Variants in ZC3H12D observed in about 807,000 individuals in gnomAD.
ZC3H12D encodes zinc finger CCCH-type containing 12D.
ZC3H12D carries 11 observed loss-of-function variants against 24.2 expected under a neutral mutation model. The ratio of observed to expected loss-of-function variants is 0.46; its 90% confidence interval spans 0.29 to 0.75. ZC3H12D has a LOEUF of 0.75. ZC3H12D is among the 30% of genes least tolerant of loss of function. The probability of loss-of-function intolerance (pLI) is 0.11; values close to 1 mark genes in which losing one functional copy is unlikely to be tolerated. For synonymous variants in ZC3H12D, 333 were observed against 341.8 expected, an observed-to-expected ratio of 0.97 and a Z score of 0.28; for missense variants, 740 against 767.7, an observed-to-expected ratio of 0.96 and a Z score of 0.43.
chr6:149,462,874 C>T (rs1776095627), intron 2 of ZC3H12D, among the ~76,000 whole-genome samples: 1 of 152,198 alleles, frequency 6.6e-6, no homozygotes, highest in Non-Finnish European at 1.5e-5. Context: ...TGGCCACAGA[C>T]TGAAGGCTGC....
Position 149,456,960 on chromosome 6 carries a change from C to A in ZC3H12D, c.446-60G>T. On this transcript the variant is annotated intron_variant, in intron 3 of 5. Coordinates refer to ENST00000409806, the MANE Select transcript of ZC3H12D (RefSeq NM_207360.3). This position sits in a 1 kb window ranked among gnomAD's most constrained non-coding sequence, Gnocchi z 4.3. ...CCAAGGGCACCGCCCCTGAGAACCACCCCCAACGCGAGGCCACCCGCTTCC... is the reference window on the plus strand; with the variant it reads ...CCAAGGGCACCGCCCCTGAGAACCAACCCCAACGCGAGGCCACCCGCTTCC... The A allele has an allele frequency of 6.6e-7, 1 of 1,518,762 alleles. No individual in the cohort carries two copies. The highest frequency in any genetic ancestry group is 8.9e-7 in the Non-Finnish European group (1 of 1,121,630). 94.1% of individuals were successfully genotyped at this position (1,518,762 alleles called of 1,614,324 possible).
At chr6:149,475,244 C>T (rs1191697219) in intron 1 of ZC3H12D, among the ~76,000 whole-genome samples, 1 of 152,166 alleles carries the variant, frequency 6.6e-6, no homozygotes, top group Admixed American at 6.5e-5. Flanking sequence ...ACCCAGCTCT[C>T]GGGACAGGCC....
rs1283477520 is a variant in ZC3H12D at position 149,451,062 on chromosome 6, T to G, written c.1205A>C (p.Asp402Ala). Residue 402 changes from aspartate (D) to alanine (A), a missense_variant, in exon 6 of 6, where the codon GAC becomes GCC. Asp to Ala is a moderately radical substitution (Grantham distance 126, BLOSUM62 -2). Coordinates refer to ENST00000409806, the MANE Select transcript of ZC3H12D (RefSeq NM_207360.3). The part of the protein sequence containing the change: ...PSPESQFSPG[D>A]LPPPPGLQLQ... ...CTGCAGGCCGGGCGGAGGCGGGAGGTCGCCCGGGGAGAACTGGCTCTCCGG... is the reference window on the plus strand; with the variant it reads ...CTGCAGGCCGGGCGGAGGCGGGAGGGCGCCCGGGGAGAACTGGCTCTCCGG... 4 of 1,400,616 alleles carry G rather than the reference T, an allele frequency of 2.9e-6. No individual in the cohort carries two copies. In the African/African-American group the frequency reaches 6.1e-5, roughly 22 times the overall value. 86.8% of individuals were successfully genotyped at this position (1,400,616 alleles called of 1,614,324 possible).
intron 1 of ZC3H12D, among the ~76,000 whole-genome samples, chr6:149,475,458 C>T (rs935724288): frequency 1.3e-5 from 2 of 152,186 alleles, no homozygotes; most frequent in Non-Finnish European, 2.9e-5. Flanking sequence ...TGGCTCACGC[C>T]TGTAATCCCA....
In ZC3H12D at chr6:149,450,980, C is replaced by T. The variant is rs751764814; in HGVS notation, c.1287G>A (p.Pro429=). ...CCCACGGGTCGTCGGGTGGCCTGCGCGGGGAAAGCAAGTCGCCGTGCAGGT... is the reference window on the plus strand; with the variant it reads ...CCCACGGGTCGTCGGGTGGCCTGCGTGGGGAAAGCAAGTCGCCGTGCAGGT... ...PRDLHGDLLS[P]RRPPDDPWAR... is the part of the protein sequence containing the mutation. Residue 429 remains proline, a synonymous_variant, in exon 6 of 6, where the codon CCG becomes CCA. Transcript: ENST00000409806. The T allele has an allele frequency of 1.3e-6, 2 of 1,520,190 alleles. No homozygotes were observed. Among genetic ancestry groups the T allele is most frequent in the Admixed American group, 2.1e-5 (1 of 47,820 alleles). The allele number at this position is 1,520,190 out of a possible 1,614,324, so 94.2% of individuals were successfully genotyped here. A position where few individuals can be genotyped will look rare whatever the true frequency, so the allele number is the denominator to read the frequency against.
chr6:149,465,221 G>A (rs1776132149), intron 2 of ZC3H12D, among the ~76,000 whole-genome samples: 1 of 152,092 alleles, frequency 6.6e-6, no homozygotes, highest in Non-Finnish European at 1.5e-5. Context: ...GGGTGTGGTG[G>A]CACGTGCCTG....
In ZC3H12D at chr6:149,456,622, C is replaced by CCCCCCCCCCCCCCCCCCCGGGGGACG; in HGVS notation, c.680+43_680+44insCGTCCCCCGGGGGGGGGGGGGGGGGG. 7.6e-7 allele frequency: 1 copy of CCCCCCCCCCCCCCCCCCCGGGGGACG among 1,314,358 alleles called. No homozygotes were observed. The highest frequency in any genetic ancestry group is 1.1e-6 in the Non-Finnish European group (1 of 921,306). The allele number at this position is 1,314,358 out of a possible 1,614,324, so 81.4% of individuals were successfully genotyped here. On this transcript the variant is annotated intron_variant, in intron 4 of 5. Transcript: ENST00000409806. This position sits in a 1 kb window ranked among gnomAD's most constrained non-coding sequence, Gnocchi z 4.3. The stretch of plus-strand genomic sequence containing the variant: ...GGCCACTGCCTCGACCCCGGCCCCC[C>CCCCCCCCCCCCCCCCCCCGGGGGACG]GCCCCGCCGCCCCCCAGGGTGTCAG...
At chr6:149,465,568 C>T (rs746328568) in intron 2 of ZC3H12D, among the ~76,000 whole-genome samples, 36 of 152,084 alleles carry the variant, frequency 2.4e-4, no homozygotes, top group Admixed American at 7.2e-4. Context: ...TCCTGGCTAA[C>T]ACGGTGAAAT....
intron 1 of ZC3H12D, among the ~76,000 whole-genome samples, chr6:149,477,850 A>G (rs1050374373): frequency 6.6e-6 from 1 of 152,078 alleles, no homozygotes; most frequent in Non-Finnish European, 1.5e-5. Context: ...GGACTCCAAG[A>G]TTTTTTCAGG....
intron 1 of ZC3H12D, among the ~76,000 whole-genome samples, chr6:149,475,898 C>T (rs1776332588): frequency 6.6e-6 from 1 of 152,128 alleles, no homozygotes; most frequent in Non-Finnish European, 1.5e-5. Flanking sequence ...CTCTTTTCTA[C>T]CCACAAAGAC....
chr6:149,456,862 G>A lies in ZC3H12D; in HGVS notation c.484C>T (p.Leu162=). 1 of 1,605,726 alleles carries A rather than the reference G, an allele frequency of 6.2e-7. No homozygotes were observed. The highest frequency in any genetic ancestry group is 8.5e-7 in the Non-Finnish European group (1 of 1,179,288). ...ACCTTGCGGGACGGCGTGTACACCAGCACCGCCTGCCGCTCCAGCTCCGCC... is the reference window on the plus strand; with the variant it reads ...ACCTTGCGGGACGGCGTGTACACCAACACCGCCTGCCGCTCCAGCTCCGCC... The part of the protein sequence containing the change: ...VLAELERQAV[L]VYTPSRKVHG... Residue 162 remains leucine (L), a synonymous_variant, in exon 4 of 6, where the codon CTG becomes TTG. Transcript: ENST00000409806. This position sits in a 1 kb window ranked among gnomAD's most constrained non-coding sequence, Gnocchi z 4.3.
At chr6:149,471,884 C>A (rs1776249644) in intron 2 of ZC3H12D, among the ~76,000 whole-genome samples, 1 of 152,226 alleles carries the variant, frequency 6.6e-6, no homozygotes, top group Non-Finnish European at 1.5e-5. Context: ...CCCCTCCCCA[C>A]CACCGCAAGG....
intron 3 of ZC3H12D, among the ~76,000 whole-genome samples, chr6:149,457,632 G>C (rs1207913976): frequency 6.6e-6 from 1 of 152,202 alleles, no homozygotes; most frequent in Non-Finnish European, 1.5e-5. Context: ...CTGAGCTCAA[G>C]TGAGTGCGAG....
intron 1 of ZC3H12D, chr6:149,483,029 C>G (rs984815247): frequency 6.5e-6 from 1 of 153,502 alleles, no homozygotes; most frequent in Non-Finnish European, 1.4e-5. Context: ...GCCCCTGCCC[C>G]CCAAGTCTGT....
At chr6:149,461,372 T>C (rs895975902) in intron 3 of ZC3H12D, among the ~76,000 whole-genome samples, 70 of 149,610 alleles carry the variant, frequency 4.7e-4, no homozygotes, top group African/African-American at 1.7e-3. Flanking sequence ...AAGAATTCCC[T>C]GGGTCTCAGT....
intron 3 of ZC3H12D, among the ~76,000 whole-genome samples, 178 bp from the exon 4 acceptor site, chr6:149,457,078 T>G (rs1775996712): frequency 6.6e-6 from 1 of 152,184 alleles, no homozygotes; most frequent in Non-Finnish European, 1.5e-5. Flanking sequence ...TTTCACTGAA[T>G]TTGCCTGAAG....
At position 149,474,318 on chromosome 6, in the gene ZC3H12D, TC is replaced by T. The variant is rs1160329875; in HGVS notation, c.225del (p.Thr76GlnfsTer17). On this transcript the variant is annotated frameshift_variant, in exon 2 of 6. Coordinates refer to ENST00000409806, the MANE Select transcript of ZC3H12D (RefSeq NM_207360.3). LOFTEE classifies it high-confidence loss of function. ...GTTCTGAAGTCCTCTTCCAGGGCTG[TC>T]CCCGGGCCACGCTGGGCAGAGTCCG... ...GVPDSAQRGP[G>X]TALEEDFRTL... 1.9e-6 allele frequency: 3 copies of T among 1,592,864 alleles called. No homozygotes were observed. Among genetic ancestry groups the T allele is most frequent in the East Asian group, 2.3e-5 (1 of 44,334 alleles).
intron 1 of ZC3H12D, among the ~76,000 whole-genome samples, chr6:149,479,827 C>T (rs755512777): frequency 1.3e-5 from 2 of 152,162 alleles, no homozygotes; most frequent in Non-Finnish European, 2.9e-5. Context: ...TGTATGCCAC[C>T]ATGCCCTAAT....
Position 149,450,831 on chromosome 6 carries a change from G to A in ZC3H12D, c.1436C>T (p.Ala479Val), listed in dbSNP as rs1232338415. ...GCTGTAGAGCGCGATGCGAGCCCGG[G>A]CGCGCGCGTCCCCCTCGTCGTCCTC... ...ATEDDEGDARARARIALYSVF... is the reference protein window; with the variant it reads ...ATEDDEGDARVRARIALYSVF... The change falls in exon 6 of 6, where the codon GCC becomes GTC. Residue 479 changes from alanine (A) to valine (V), a missense_variant. By Grantham distance (64) the Ala-to-Val change is moderately conservative. Coordinates refer to ENST00000409806, the MANE Select transcript of ZC3H12D (RefSeq NM_207360.3). 3.2e-6 allele frequency: 5 copies of A among 1,546,192 alleles called. No homozygotes were observed. The highest frequency in any genetic ancestry group is 4.4e-6 in the Non-Finnish European group (5 of 1,146,700).
Sources: allele counts gnomAD v4.1 joint callset (sites outside exome capture counted in the v4.1 genomes callset), GRCh38; gene constraint gnomAD v4.1.1; non-coding constraint Gnocchi (gnomAD v3.1); transcripts MANE v1.5; gene names NCBI Gene and HGNC (gene_info 2026-07-23, HGNC 2026-07-21).